NIPBL: variants seen among roughly 807,000 people sequenced by gnomAD.
NIPBL encodes NIPBL cohesin loading factor, also known as nipped-B-like protein.
In NIPBL, 19 loss-of-function variants were observed where a neutral mutation model predicts 321.8. That is an observed-to-expected ratio of 0.06 (90% confidence interval 0.04 to 0.09). The LOEUF is 0.09. Ranked by LOEUF, NIPBL falls within the 10% of genes least tolerant of loss-of-function variation. The probability of loss-of-function intolerance (pLI) is 1.00; values close to 1 mark genes in which losing one functional copy is unlikely to be tolerated. For synonymous variants in NIPBL, 1,106 were observed against 1,114.1 expected (o/e 0.99, Z 0.14); for missense variants, 2,210 against 3,327.0 (o/e 0.66, Z 8.26).
intron 1 of NIPBL, among the ~76,000 whole-genome samples, chr5:36,952,909 G>A (rs1183919930): frequency 6.6e-6 from 1 of 152,078 alleles, no homozygotes; most frequent in African/African-American, 2.4e-5. Flanking sequence ...AATAATATTG[G>A]GCAATAAATG....
At chr5:37,063,691 C>A in intron 45 of NIPBL, 99 bp from the exon 46 acceptor site, 2 of 1,189,908 alleles carry the variant, frequency 1.7e-6, no homozygotes, top group East Asian at 2.5e-5. Context: ...ACGTCTGTTT[C>A]ACCCACACCA....
At chr5:36,907,434 A>T (rs1468424060) in intron 1 of NIPBL, among the ~76,000 whole-genome samples, 3 of 152,214 alleles carry the variant, frequency 2.0e-5, no homozygotes, top group Non-Finnish European at 4.4e-5. Flanking sequence ...TTACGTAGAT[A>T]CCAGAAATTA....
At chr5:36,974,598 T>C (rs529314351) in intron 8 of NIPBL, among the ~76,000 whole-genome samples, 6 of 152,170 alleles carry the variant, frequency 3.9e-5, no homozygotes, top group Non-Finnish European at 7.4e-5. Flanking sequence ...TGAATTGATA[T>C]GTAAAGCACC....
At position 37,064,561 on chromosome 5, in the gene NIPBL, CG is replaced by C; in HGVS notation, c.8086del (p.Glu2696SerfsTer6). 1 of 1,613,954 alleles carries C rather than the reference CG, an allele frequency of 6.2e-7. No homozygotes were observed. The highest frequency in any genetic ancestry group is 8.5e-7 in the Non-Finnish European group (1 of 1,180,022). ...LRRSKRNSDS[T>X]ELAAQMNESV... The stretch of plus-strand genomic sequence containing the variant: ...AGGTCAAAACGAAATTCAGACTCTA[CG>C]GAGTTGGCAGCACAGATGAATGAAA... On this transcript the variant is annotated frameshift_variant, in exon 47 of 47. Coordinates refer to ENST00000282516, the MANE Select transcript of NIPBL (RefSeq NM_133433.4). LOFTEE classifies it high-confidence loss of function.
At chr5:37,001,228 CT>C (rs1282751778) in intron 14 of NIPBL, 150 bp downstream of exon 14, 7 of 634,806 alleles carry the variant, frequency 1.1e-5, no homozygotes, top group African/African-American at 1.8e-5. Flanking sequence ...GATAAACTTT[CT>C]AGTCTGTTAT....
intron 1 of NIPBL, among the ~76,000 whole-genome samples, chr5:36,934,551 T>C (rs900412349): frequency 1.3e-5 from 2 of 152,136 alleles, no homozygotes; most frequent in Non-Finnish European, 2.9e-5. Context: ...GTGGGTCAAC[T>C]TTACAGTTTA....
chr5:36,933,011 C>A (rs1749898087), intron 1 of NIPBL, among the ~76,000 whole-genome samples: 1 of 151,594 alleles, frequency 6.6e-6, no homozygotes, highest in African/African-American at 2.4e-5. Flanking sequence ...TTTAAAACAA[C>A]TTTTTAGAGT....
chr5:36,897,164 G>A lies in NIPBL; in HGVS notation c.-80+19986G>A, dbSNP rs530898504. ...ATTACAGGTGCACACCAGCACACCTGGCTAATTTTTTGTTTTTTTAGTAGA... is the reference window on the plus strand; with the variant it reads ...ATTACAGGTGCACACCAGCACACCTAGCTAATTTTTTGTTTTTTTAGTAGA... On this transcript the variant is annotated intron_variant, in intron 1 of 46. Coordinates refer to ENST00000282516, the MANE Select transcript of NIPBL (RefSeq NM_133433.4). 6.6e-5 allele frequency among the ~76,000 whole-genome samples: 10 copies of A among 151,976 alleles called. No homozygotes were observed. The East Asian group carries it at 1.7e-3, about 27-fold the overall frequency.
At chr5:36,998,862 G>C (rs1156611534) in intron 11 of NIPBL, among the ~76,000 whole-genome samples, 1 of 152,122 alleles carries the variant, frequency 6.6e-6, no homozygotes, top group Non-Finnish European at 1.5e-5. Flanking sequence ...AATCATAAAA[G>C]AGGAACAGTC....
intron 32 of NIPBL, among the ~76,000 whole-genome samples, chr5:37,032,312 C>T (rs550435268): frequency 6.6e-6 from 1 of 151,700 alleles, no homozygotes; most frequent in South Asian, 2.1e-4. Flanking sequence ...ATACTGAAGT[C>T]TCCAGTTTAC....
intron 1 of NIPBL, among the ~76,000 whole-genome samples, chr5:36,880,356 A>G (rs1183478674): frequency 6.6e-6 from 1 of 152,068 alleles, no homozygotes; most frequent in East Asian, 1.9e-4. Context: ...AAGAGTAAAT[A>G]AAAACCAGGA....
chr5:36,968,112 CA>C (rs1248532097), intron 6 of NIPBL, among the ~76,000 whole-genome samples: 19 of 102,540 alleles, frequency 1.9e-4, no homozygotes, highest in African/African-American at 6.1e-4. Context: ...AAAAAAAAAA[CA>C]AAAAACAAAA....
intron 16 of NIPBL, among the ~76,000 whole-genome samples, chr5:37,004,180 AT>A (rs1032019676): frequency 2.6e-5 from 4 of 152,188 alleles, no homozygotes; most frequent in African/African-American, 7.2e-5. Flanking sequence ...CTGTTACTAT[AT>A]TTTAATATGC....
chr5:36,902,931 C>T (rs1747343739), intron 1 of NIPBL, among the ~76,000 whole-genome samples: 1 of 152,038 alleles, frequency 6.6e-6, no homozygotes, highest in African/African-American at 2.4e-5. Context: ...TTTTTGTAAA[C>T]TCTGATTTTT....
chr5:36,974,580 A>G (rs1424328814), intron 8 of NIPBL, among the ~76,000 whole-genome samples: 1 of 152,164 alleles, frequency 6.6e-6, no homozygotes, highest in Non-Finnish European at 1.5e-5. Flanking sequence ...AATGTTGTAA[A>G]AATCAAGTGA....
chr5:36,904,935 A>G (rs1278111270), intron 1 of NIPBL, among the ~76,000 whole-genome samples: 4 of 152,182 alleles, frequency 2.6e-5, no homozygotes, highest in African/African-American at 9.7e-5. Flanking sequence ...TAAACACACA[A>G]TAGGAGGGAA....
At chr5:36,944,533 A>G (rs1259604413) in intron 1 of NIPBL, among the ~76,000 whole-genome samples, 2 of 152,156 alleles carry the variant, frequency 1.3e-5, no homozygotes, top group African/African-American at 4.8e-5. Context: ...AACAGAACCA[A>G]AATGGCAAAG....
At chr5:37,031,323 T>C (rs191139220) in intron 32 of NIPBL, among the ~76,000 whole-genome samples, 48 of 152,270 alleles carry the variant, frequency 3.2e-4, no homozygotes, top group African/African-American at 1.1e-3. Flanking sequence ...TATCATTCCT[T>C]TATAACCTTT....
At chr5:37,055,542 AAG>A (rs1326482421) in intron 42 of NIPBL, among the ~76,000 whole-genome samples, 1 of 152,046 alleles carries the variant, frequency 6.6e-6, no homozygotes, top group East Asian at 1.9e-4. Flanking sequence ...AGTACATAAA[AAG>A]GGAGTAGTCA....
Sources: allele counts gnomAD v4.1 joint callset (sites outside exome capture counted in the v4.1 genomes callset), GRCh38; gene constraint gnomAD v4.1.1; transcripts MANE v1.5; gene names NCBI Gene and HGNC (gene_info 2026-07-23, HGNC 2026-07-21).